PIBF1: variants seen among roughly 807,000 people sequenced by gnomAD.
PIBF1 encodes progesterone immunomodulatory binding factor 1, also known as progesterone-induced-blocking factor 1.
PIBF1 carries 90 observed loss-of-function variants against 112.5 expected under a neutral mutation model. The observed-to-expected ratio is 0.80, with a 90% CI of 0.67 to 0.95. The LOEUF is 0.95. Ranked by LOEUF, PIBF1 falls within the 40% of genes least tolerant of loss-of-function variation. PIBF1 has a pLI of 0.00. For synonymous variants in PIBF1, 301 were observed against 288.6 expected (o/e 1.04, Z -0.44); for missense variants, 915 against 852.3 (o/e 1.07, Z -0.92).
chr13:72,848,658 C>T (rs2037983529), intron 9 of PIBF1, among the ~76,000 whole-genome samples: 1 of 151,968 alleles, frequency 6.6e-6, no homozygotes, highest in South Asian at 2.1e-4. Context: ...ACAGTGAAAC[C>T]CCGTCTCTAC....
intron 15 of PIBF1, among the ~76,000 whole-genome samples, chr13:72,965,791 A>C (rs564970080): frequency 6.6e-6 from 1 of 152,296 alleles, no homozygotes; most frequent in South Asian, 2.1e-4. Flanking sequence ...ACAACAACAA[A>C]AAATTTACAT....
chr13:72,846,925 A>C (rs1321655429), intron 9 of PIBF1, among the ~76,000 whole-genome samples: 1 of 152,170 alleles, frequency 6.6e-6, no homozygotes, highest in East Asian at 1.9e-4. Flanking sequence ...TATTTATTGA[A>C]TGAAAGAATG....
rs2043687280 is a variant in PIBF1, at chr13:72,996,761, T to G, written c.2050-2061T>G. 2.0e-5 allele frequency among the ~76,000 whole-genome samples: 3 copies of G among 151,862 alleles called. No homozygotes were observed. In the South Asian group the frequency reaches 6.2e-4, roughly 31 times the overall value. ...TAGCATGGACAACAGAGCAAGACCC[T>G]GTCTCTAAAAAAAAAAAAATTGAAG... On this transcript the variant is annotated intron_variant, in intron 16 of 17. Transcript: ENST00000326291.
At chr13:72,823,368 C>T (rs748153961) in intron 6 of PIBF1, among the ~76,000 whole-genome samples, 47 of 152,010 alleles carry the variant, frequency 3.1e-4, no homozygotes, top group Non-Finnish European at 3.7e-4. Flanking sequence ...CATATGTTTT[C>T]ATTTACTATA....
intron 17 of PIBF1, among the ~76,000 whole-genome samples, chr13:73,007,579 G>A (rs1368120372): frequency 6.6e-6 from 1 of 152,160 alleles, no homozygotes; most frequent in African/African-American, 2.4e-5. Context: ...GGAGGCCAAG[G>A]CGGGCAGATC....
chr13:73,012,868 G>T (rs1431563287), intron 17 of PIBF1, among the ~76,000 whole-genome samples: 1 of 151,356 alleles, frequency 6.6e-6, no homozygotes, highest in Non-Finnish European at 1.5e-5. Context: ...TATTTAATGA[G>T]AATATTAGAA....
chr13:72,897,178 A>C (rs1353903767), intron 11 of PIBF1, among the ~76,000 whole-genome samples: 1 of 152,190 alleles, frequency 6.6e-6, no homozygotes, highest in South Asian at 2.1e-4. Flanking sequence ...TTATAAGCCA[A>C]TAACTTTGTA....
chr13:73,006,906 A>G (rs1456106485), intron 17 of PIBF1, among the ~76,000 whole-genome samples: 1 of 152,060 alleles, frequency 6.6e-6, no homozygotes, highest in African/African-American at 2.4e-5. Context: ...TTGTTTCTGC[A>G]ATGGCTTTGT....
intron 14 of PIBF1, among the ~76,000 whole-genome samples, chr13:72,960,543 T>G (rs1363029982): frequency 6.6e-6 from 1 of 152,248 alleles, no homozygotes; most frequent in African/African-American, 2.4e-5. Context: ...TTTTGTGCAA[T>G]TGAAATTAGA....
chr13:72,940,898 T>C (rs1280638272), intron 14 of PIBF1, among the ~76,000 whole-genome samples: 1 of 152,242 alleles, frequency 6.6e-6, no homozygotes, highest in African/African-American at 2.4e-5. Context: ...TTTATACATA[T>C]GCACTGTTCT....
intron 13 of PIBF1, among the ~76,000 whole-genome samples, chr13:72,918,910 G>A (rs568698238): frequency 6.6e-6 from 1 of 151,060 alleles, no homozygotes; most frequent in African/African-American, 2.4e-5. Context: ...CACTGTATTG[G>A]CCAGGCTGGT....
intron 14 of PIBF1, among the ~76,000 whole-genome samples, chr13:72,962,753 G>A (rs1234102860): frequency 1.3e-5 from 2 of 152,048 alleles, no homozygotes; most frequent in East Asian, 1.9e-4. Context: ...AATCCCAATG[G>A]CATTTTTTAC....
chr13:72,799,495 G>A (rs1229376382), intron 5 of PIBF1, among the ~76,000 whole-genome samples: 1 of 152,086 alleles, frequency 6.6e-6, no homozygotes, highest in Non-Finnish European at 1.5e-5. Flanking sequence ...AACTTCAGTT[G>A]TTTTCTTTTC....
intron 9 of PIBF1, among the ~76,000 whole-genome samples, chr13:72,843,870 C>G (rs1347316753): frequency 6.6e-6 from 1 of 152,130 alleles, no homozygotes; most frequent in East Asian, 1.9e-4. Context: ...CTGCTAAAGC[C>G]CCTCCAACAG....
intron 11 of PIBF1, among the ~76,000 whole-genome samples, chr13:72,906,118 T>C (rs2040695756): frequency 6.6e-6 from 1 of 152,152 alleles, no homozygotes; most frequent in African/African-American, 2.4e-5. Flanking sequence ...AATTCTTATT[T>C]ATAATTAATT....
At chr13:72,822,469 G>A (rs1374689897) in intron 6 of PIBF1, among the ~76,000 whole-genome samples, 4 of 151,998 alleles carry the variant, frequency 2.6e-5, no homozygotes, top group African/African-American at 9.7e-5. Flanking sequence ...TTAATGAGCT[G>A]CTACTTAGCT....
At chr13:72,870,278 A>C (rs1403973921) in intron 10 of PIBF1, among the ~76,000 whole-genome samples, 2 of 152,196 alleles carry the variant, frequency 1.3e-5, no homozygotes. Context: ...GTCGATTTCA[A>C]ATGTTTAATG....
chr13:72,917,303 T>G, intron 13 of PIBF1, 137 bp downstream of exon 13: 1 of 419,196 alleles, frequency 2.4e-6, no homozygotes, highest in East Asian at 3.8e-5. Flanking sequence ...TCTCACAAAA[T>G]AAAACACTAA....
At chr13:72,903,572 A>G (rs542234930) in intron 11 of PIBF1, among the ~76,000 whole-genome samples, 2 of 152,314 alleles carry the variant, frequency 1.3e-5, no homozygotes, top group African/African-American at 4.8e-5. Flanking sequence ...TGGCTACTTC[A>G]CTGAGGAACC....
Sources: allele counts gnomAD v4.1 joint callset (sites outside exome capture counted in the v4.1 genomes callset), GRCh38; gene constraint gnomAD v4.1.1; transcripts MANE v1.5; gene names NCBI Gene and HGNC (gene_info 2026-07-23, HGNC 2026-07-21).